Variants in HOMER1 observed in about 807,000 individuals in gnomAD.
HOMER1 encodes the protein homer scaffold protein 1.
Under a neutral mutation model 48.9 loss-of-function variants are expected in HOMER1, and 3 were observed. The ratio of observed to expected loss-of-function variants is 0.06; its 90% CI spans 0.03 to 0.16. The LOEUF is 0.16. Ranked by LOEUF, HOMER1 falls within the 10% of genes least tolerant of loss-of-function variation. HOMER1 has a pLI of 1.00. For missense variants in HOMER1, 247 were observed against 411.4 expected (o/e 0.60, Z 3.46); for synonymous variants, 134 against 146.4 (o/e 0.92, Z 0.61).
At chr5:79,384,141 C>T (rs1291059488) in intron 8 of HOMER1, among the ~76,000 whole-genome samples, 2 of 145,652 alleles carry the variant, frequency 1.4e-5, no homozygotes, top group Non-Finnish European at 3.0e-5. Context: ...CTCAAAATAG[C>T]AGAAGGAAAT....
At position 79,404,221 on chromosome 5, in the gene HOMER1, T is replaced by C. The variant is rs148604362; in HGVS notation, c.528-2166A>G. 1.4e-3 allele frequency among the ~76,000 whole-genome samples: 216 copies of C among 152,322 alleles called. 2 individuals are homozygous for C. Among genetic ancestry groups the C allele is most frequent in the Non-Finnish European group, 2.4e-4 (16 of 68,014 alleles). ...AAACAACAATTATTTACTCCTAAAA[T>C]CCATTTGTCAAAATCACACAATTAT... On this transcript the variant is annotated intron_variant, in intron 5 of 8. Transcript: ENST00000334082.
chr5:79,485,301 G>T (rs73124171), intron 1 of HOMER1, among the ~76,000 whole-genome samples: 2 of 152,222 alleles, frequency 1.3e-5, no homozygotes, highest in South Asian at 4.1e-4. Context: ...CAGATTTGTG[G>T]GTTTGGGTTT....
chr5:79,438,976 T>A, intron 5 of HOMER1, 34 bp downstream of exon 5: 2 of 1,591,322 alleles, frequency 1.3e-6, no homozygotes, highest in Non-Finnish European at 1.7e-6. Flanking sequence ...ATTTACACAT[T>A]TACTTAATCA....
intron 6 of HOMER1, among the ~76,000 whole-genome samples, chr5:79,400,730 A>AC (rs1334413044): frequency 7.3e-6 from 1 of 137,808 alleles, no homozygotes; most frequent in Non-Finnish European, 1.5e-5. Flanking sequence ...ATTAAAAAAA[A>AC]AAAAACTTCT....
intron 1 of HOMER1, among the ~76,000 whole-genome samples, chr5:79,488,883 C>A (rs1193859357): frequency 6.6e-6 from 1 of 152,054 alleles, no homozygotes; most frequent in Non-Finnish European, 1.5e-5. Context: ...GAGGATGGAG[C>A]CAGAATTCAA....
chr5:79,485,008 C>A (rs1292013930), intron 1 of HOMER1, among the ~76,000 whole-genome samples: 2 of 152,170 alleles, frequency 1.3e-5, no homozygotes, highest in Non-Finnish European at 2.9e-5. Flanking sequence ...AGTCTATTCT[C>A]TTTTCCCTGC....
chr5:79,380,669 A>G (rs1397499067), intron 8 of HOMER1, among the ~76,000 whole-genome samples: 4 of 152,218 alleles, frequency 2.6e-5, no homozygotes, highest in East Asian at 3.9e-4. Flanking sequence ...CCTGAAAACT[A>G]GCCTAATTGG....
intron 8 of HOMER1, among the ~76,000 whole-genome samples, chr5:79,376,875 CA>C (rs976441436): frequency 5.9e-5 from 9 of 151,634 alleles, no homozygotes; most frequent in Non-Finnish European, 1.2e-4. Context: ...TTCATGACAA[CA>C]AAAAAAACAC....
intron 5 of HOMER1, among the ~76,000 whole-genome samples, chr5:79,437,849 G>C (rs1307165825): frequency 6.6e-6 from 1 of 152,130 alleles, no homozygotes. Context: ...AGAGACAGGG[G>C]TCTCACTATG....
At chr5:79,467,128 G>A (rs1751487812) in intron 1 of HOMER1, among the ~76,000 whole-genome samples, 1 of 152,100 alleles carries the variant, frequency 6.6e-6, no homozygotes, top group Non-Finnish European at 1.5e-5. Flanking sequence ...GCTGGGCGCA[G>A]AGGATCAGGC....
At chr5:79,404,864 A>AC (rs1554057597) in intron 5 of HOMER1, among the ~76,000 whole-genome samples, 4 of 141,450 alleles carry the variant, frequency 2.8e-5, no homozygotes, top group African/African-American at 1.0e-4. Context: ...ACGCCCAGCT[A>AC]TTTTTTTTTT....
intron 4 of HOMER1, among the ~76,000 whole-genome samples, chr5:79,442,673 T>C (rs2112281164): frequency 6.6e-6 from 1 of 152,328 alleles, no homozygotes; most frequent in African/African-American, 2.4e-5. Flanking sequence ...TTAACAAACA[T>C]TCATGGAAGA....
chr5:79,413,324 A>G (rs980189644), intron 5 of HOMER1, among the ~76,000 whole-genome samples: 1 of 152,240 alleles, frequency 6.6e-6, no homozygotes, highest in Non-Finnish European at 1.5e-5. Context: ...AAGTGCAAAC[A>G]TATCCTGTAT....
intron 8 of HOMER1, among the ~76,000 whole-genome samples, chr5:79,386,304 C>T (rs1309459701): frequency 2.6e-5 from 4 of 152,122 alleles, no homozygotes; most frequent in African/African-American, 7.2e-5. Context: ...AAAATCATGT[C>T]ATTTGGTGCA....
At chr5:79,457,173 T>A in intron 1 of HOMER1, among the ~76,000 whole-genome samples, 155 bp from the exon 2 acceptor site, 1 of 152,232 alleles carries the variant, frequency 6.6e-6, no homozygotes, top group East Asian at 1.9e-4. Context: ...TTCTAAGTAT[T>A]CAGTCATAAG....
intron 8 of HOMER1, among the ~76,000 whole-genome samples, chr5:79,386,403 C>T (rs926184305): frequency 3.9e-5 from 6 of 152,114 alleles, no homozygotes; most frequent in African/African-American, 1.4e-4. Flanking sequence ...ATATGTGGGA[C>T]CTGAAGTACT....
At chr5:79,500,839 G>A (rs902955315) in intron 1 of HOMER1, among the ~76,000 whole-genome samples, 4 of 151,794 alleles carry the variant, frequency 2.6e-5, no homozygotes, top group African/African-American at 7.3e-5. Flanking sequence ...TGGCCAGGCT[G>A]GTCTCAAACT....
chr5:79,488,516 G>A (rs1752181461), intron 1 of HOMER1, among the ~76,000 whole-genome samples: 1 of 152,138 alleles, frequency 6.6e-6, no homozygotes, highest in African/African-American at 2.4e-5. Flanking sequence ...CAGTTCTTAA[G>A]AGCCCCAAAT....
At position 79,373,679 on chromosome 5, in the gene HOMER1, C is replaced by G. The variant is rs920356440; in HGVS notation, c.*2330G>C. On this transcript the variant is annotated 3_prime_UTR_variant, in exon 9 of 9. Coordinates refer to ENST00000334082, the MANE Select transcript of HOMER1 (RefSeq NM_004272.5). ...ATATGTGCACTTGTGTCCACCTTAT[C>G]CCATATACTGTACATGTCTATTGAC... 1.3e-5 allele frequency: 2 copies of G among 151,918 alleles called. No homozygotes were observed. The highest frequency in any genetic ancestry group is 4.8e-5 in the African/African-American group (2 of 41,406). 9.4% of individuals were successfully genotyped at this position (151,918 alleles called of 1,614,324 possible). A position where few individuals can be genotyped will look rare whatever the true frequency, so the allele number is the denominator to read the frequency against.
Sources: gnomAD v4.1 joint callset for allele counts (sites outside exome capture counted in the v4.1 genomes callset) on GRCh38, gnomAD v4.1.1 for gene constraint, MANE v1.5 for transcripts, NCBI Gene and HGNC (gene_info 2026-07-23, HGNC 2026-07-21) for gene names.